Variants in DNM2 observed in about 807,000 individuals in gnomAD.
The protein encoded by DNM2 is dynamin-2.
DNM2 carries 15 observed loss-of-function variants against 99.0 expected under a neutral mutation model. That is an observed-to-expected ratio of 0.15 (90% confidence interval 0.10 to 0.23). DNM2 has a LOEUF of 0.23. Ranked by LOEUF, DNM2 falls within the 10% of genes least tolerant of loss-of-function variation. DNM2 has a pLI of 1.00. For synonymous variants in DNM2, 525 were observed against 481.2 expected, an observed-to-expected ratio of 1.09 and a Z score of -1.19; for missense variants, 742 against 1,189.4, an observed-to-expected ratio of 0.62 and a Z score of 5.53.
At position 10,820,067 on chromosome 19, in the gene DNM2, G is replaced by A. The variant is rs2072922927; in HGVS notation, c.1759G>A (p.Ala587Thr). The A allele has an allele frequency of 4.3e-6, 7 of 1,614,146 alleles. No homozygotes were observed. Among genetic ancestry groups the A allele is most frequent in the Non-Finnish European group, 5.9e-6 (7 of 1,180,028 alleles). ...KGFMSNKHVFAIFNTEQRNVY... is the reference protein window; with the variant it reads ...KGFMSNKHVFTIFNTEQRNVY... ...CTTCATGTCCAACAAGCACGTCTTC[G>A]CCATCTTCAACACGGAGCAGAGGTG... The change falls in exon 16 of 21, where the codon GCC becomes ACC. Residue 587 changes from alanine (A) to threonine (T), a missense_variant. This residue lies in a region of DNM2 where 240 missense variants were observed against 431.3 expected (regional missense o/e 0.56). Transcript: ENST00000389253. This position sits in a 1 kb window ranked among gnomAD's most constrained non-coding sequence, Gnocchi z 4.3.
At chr19:10,740,722 T>G (rs1169283390) in intron 1 of DNM2, among the ~76,000 whole-genome samples, 1 of 152,224 alleles carries the variant, frequency 6.6e-6, no homozygotes, top group Admixed American at 6.6e-5. Context: ...TCTATGAATT[T>G]CCCTGTAAAC....
intron 5 of DNM2, among the ~76,000 whole-genome samples, chr19:10,779,488 T>C (rs1180077142): frequency 8.7e-6 from 1 of 115,484 alleles, no homozygotes; most frequent in Non-Finnish European, 1.7e-5. Context: ...CTTTCTTTCT[T>C]TCTTTCTTTC....
At chr19:10,802,382 G>C in intron 12 of DNM2, 24 bp downstream of exon 12, 2 of 1,613,200 alleles carry the variant, frequency 1.2e-6, no homozygotes, top group Non-Finnish European at 8.5e-7. Flanking sequence ...GAGACTGGCT[G>C]GTCGGGCGGC....
At chr19:10,821,293 G>C (rs951212877) in intron 16 of DNM2, among the ~76,000 whole-genome samples, 2 of 152,162 alleles carry the variant, frequency 1.3e-5, no homozygotes, top group Admixed American at 6.5e-5. Context: ...CTCCTGTACA[G>C]GGAGGGTGAC....
rs752080566 is a variant in DNM2, at chr19:10,759,776, G to A, written c.200G>A (p.Arg67Gln). 2 of 1,614,112 alleles carry A rather than the reference G, an allele frequency of 1.2e-6. No individual in the cohort carries two copies. The highest frequency in any genetic ancestry group is 1.7e-6 in the Non-Finnish European group (2 of 1,180,040). ...LPRGSGIVTR[R>Q]PLILQLIFSK... is the part of the protein sequence containing the mutation. ...CGCGGTTCAGGAATCGTCACCCGGC[G>A]GCCTCTCATTCTGCAGCTCATCTTC... The change falls in exon 2 of 21, where the codon CGG (arginine) becomes CAG (glutamine). Residue 67 changes from arginine to glutamine, a missense_variant. Physicochemically the swap from Arg to Gln is conservative, Grantham distance 43. Around this residue, in one of 7 missense-constraint regions of DNM2, gnomAD observed 192 missense variants for 358.9 expected, o/e 0.54. Transcript: ENST00000389253.
chr19:10,827,312 G>A (rs569124968), intron 18 of DNM2, among the ~76,000 whole-genome samples: 3 of 152,212 alleles, frequency 2.0e-5, no homozygotes, highest in South Asian at 4.1e-4. Context: ...AATTGCCCAC[G>A]TGCAAAGTGA....
intron 11 of DNM2, 76 bp downstream of exon 11, chr19:10,798,648 G>C: frequency 6.6e-7 from 1 of 1,517,962 alleles, no homozygotes; most frequent in Non-Finnish European, 9.1e-7. Context: ...TGTGCATGCT[G>C]ACAGCTGCAT....
chr19:10,736,591 C>T (rs760327688), intron 1 of DNM2, among the ~76,000 whole-genome samples: 8 of 152,142 alleles, frequency 5.3e-5, no homozygotes, highest in African/African-American at 9.7e-5. Context: ...TGGAAAGCCA[C>T]GGTATTAGTT....
intron 1 of DNM2, among the ~76,000 whole-genome samples, chr19:10,729,121 C>T (rs1368077734): frequency 1.7e-5 from 2 of 117,688 alleles, no homozygotes; most frequent in Non-Finnish European, 3.6e-5. Context: ...GCCGAGATCG[C>T]ACCACTGCAC....
intron 6 of DNM2, among the ~76,000 whole-genome samples, chr19:10,784,327 C>T (rs2071481754): frequency 6.6e-6 from 1 of 152,132 alleles, no homozygotes; most frequent in East Asian, 1.9e-4. Flanking sequence ...GGGAAAAGAG[C>T]CACCCAGAGA....
chr19:10,789,209 GAAAC>G (rs896528911), intron 7 of DNM2, among the ~76,000 whole-genome samples: 173 of 152,078 alleles, frequency 1.1e-3, no homozygotes, highest in African/African-American at 3.1e-3. Context: ...AACAAACAAA[GAAAC>G]AAACAAACAA....
intron 1 of DNM2, among the ~76,000 whole-genome samples, chr19:10,740,320 AG>A (rs1272977541): frequency 6.7e-6 from 1 of 149,862 alleles, no homozygotes; most frequent in Non-Finnish European, 1.5e-5. Context: ...TCCTTTTCTG[AG>A]GTTCTTGAAG....
intron 5 of DNM2, among the ~76,000 whole-genome samples, chr19:10,778,652 TA>T (rs994606124): frequency 1.2e-3 from 175 of 144,414 alleles, no homozygotes; most frequent in Non-Finnish European, 1.1e-3. Flanking sequence ...ATCTTGCCTC[TA>T]AAAAAAAAAA....
intron 7 of DNM2, among the ~76,000 whole-genome samples, chr19:10,787,343 C>G (rs1051885109): frequency 4.0e-5 from 6 of 151,824 alleles, no homozygotes; most frequent in African/African-American, 1.2e-4. Flanking sequence ...TGGTGGTGGG[C>G]GCCTGTGGTC....
rs3745674 is a variant in DNM2, at chr19:10,783,059, C to T, written c.788C>T (p.Pro263Leu). 7.2e-4 allele frequency: 1,166 copies of T among 1,613,920 alleles called. 10 individuals carry two copies. In the East Asian group the frequency reaches 0.022, roughly 31 times the overall value. The change falls in exon 6 of 21, where the codon CCG becomes CTG. Residue 263 changes from proline (P) to leucine (L), a missense_variant. By Grantham distance (98) the Pro-to-Leu change is moderately conservative (BLOSUM62 -3). This residue lies in a region of DNM2 where 192 missense variants were observed against 358.9 expected (regional missense o/e 0.54). Coordinates refer to ENST00000389253, the MANE Select transcript of DNM2 (RefSeq NM_001005361.3). ...AAERKFFLSH[P>L]AYRHMADRMG... ...GAGAGGAAGTTCTTCCTCTCCCACC[C>T]GGCCTACCGGCACATGGCCGACCGC...
intron 1 of DNM2, among the ~76,000 whole-genome samples, chr19:10,722,107 T>C (rs992417780): frequency 3.9e-5 from 6 of 152,144 alleles, no homozygotes; most frequent in African/African-American, 1.4e-4. Flanking sequence ...ATGTGTCTTA[T>C]ACGCATGGTG....
rs1283002588 is a variant in DNM2 at position 10,812,985 on chromosome 19, CAAGAG to C, written c.1671+612_1671+616del. Among the ~76,000 whole-genome samples the C allele has an allele frequency of 6.6e-6, 1 of 152,238 alleles. No homozygotes were observed. Among genetic ancestry groups the C allele is most frequent in the Admixed American group, 6.5e-5 (1 of 15,286 alleles). On this transcript the variant is annotated intron_variant, in intron 15 of 20. Coordinates refer to ENST00000389253, the MANE Select transcript of DNM2 (RefSeq NM_001005361.3). The surrounding 1 kb of genome is among the most constrained non-coding windows in gnomAD (Gnocchi z 4.0). ...AGTGCCACTGTGACTGCCCCGTGCTCAAGAGAAGGGGCCATGCCCAAGGGTCAGGG... is the reference window on the plus strand; with the variant it reads ...AGTGCCACTGTGACTGCCCCGTGCTCAAGGGGCCATGCCCAAGGGTCAGGG...
intron 1 of DNM2, among the ~76,000 whole-genome samples, chr19:10,724,950 G>A (rs1311491614): frequency 2.0e-5 from 3 of 152,242 alleles, no homozygotes; most frequent in Non-Finnish European, 2.9e-5. Context: ...AGCCGCGGGG[G>A]CACTGCCTGT....
chr19:10,786,441 T>TGTGTG, intron 6 of DNM2, 123 bp from the exon 7 acceptor site: 1 of 1,436,096 alleles, frequency 7.0e-7, no homozygotes, highest in Non-Finnish European at 9.7e-7. Context: ...CTCTCAAGGC[T>TGTGTG]GTGTGGTGTG....
Sources: allele counts gnomAD v4.1 joint callset (sites outside exome capture counted in the v4.1 genomes callset), GRCh38; gene constraint gnomAD v4.1.1; regional missense constraint gnomAD v4.1.1; non-coding constraint Gnocchi (gnomAD v3.1); transcripts MANE v1.5; gene names NCBI Gene and HGNC (gene_info 2026-07-23, HGNC 2026-07-21).